Variants in RIPOR3 observed in about 807,000 individuals in gnomAD.
RIPOR3 encodes the protein family with sequence similarity 65 member C.
RIPOR3 carries 95 observed loss-of-function variants against 114.3 expected under a neutral mutation model. The ratio of observed to expected loss-of-function variants is 0.83; its 90% CI spans 0.70 to 0.99. The LOEUF (loss-of-function observed/expected upper bound fraction) is 0.99. RIPOR3 is among the 50% of genes least tolerant of loss of function. The pLI, the probability that RIPOR3 is intolerant of heterozygous loss-of-function variation, is 0.00. For synonymous variants in RIPOR3, 575 were observed against 543.8 expected, an observed-to-expected ratio of 1.06 and a Z score of -0.80; for missense variants, 1,252 against 1,266.9, an observed-to-expected ratio of 0.99 and a Z score of 0.18.
At chr20:50,638,568 CCT>C (rs1251984893) in intron 1 of RIPOR3, among the ~76,000 whole-genome samples, 2 of 152,172 alleles carry the variant, frequency 1.3e-5, no homozygotes, top group African/African-American at 2.4e-5. Context: ...GAAGACAAAG[CCT>C]CTCTTTGGGA....
At chr20:50,643,270 C>T (rs527247310) in intron 1 of RIPOR3, among the ~76,000 whole-genome samples, 8 of 151,250 alleles carry the variant, frequency 5.3e-5, no homozygotes, top group Admixed American at 1.3e-4. Flanking sequence ...TACAAGTGTG[C>T]ACCACTAGGC....
intron 2 of RIPOR3, among the ~76,000 whole-genome samples, chr20:50,630,167 C>T (rs924585451): frequency 2.6e-5 from 4 of 152,128 alleles, no homozygotes; most frequent in African/African-American, 7.2e-5. Flanking sequence ...AGGGCTTCAC[C>T]GTGTTGGCCA....
chr20:50,588,231 C>T (rs891206082), intron 20 of RIPOR3, among the ~76,000 whole-genome samples: 1 of 152,252 alleles, frequency 6.6e-6, no homozygotes, highest in South Asian at 2.1e-4. Flanking sequence ...GCCCTACTCT[C>T]CAGGACAGCC....
chr20:50,615,108 AGTGTGTGTGTGTGTGTGT>A (rs56136460), intron 4 of RIPOR3, among the ~76,000 whole-genome samples: 4 of 138,408 alleles, frequency 2.9e-5, no homozygotes, highest in Non-Finnish European at 6.1e-5. Context: ...GCTATTTGTG[AGTGTGTGTGTGTGTGTGT>A]GTGTGTGTGT....
intron 21 of RIPOR3, 79 bp downstream of exon 21, chr20:50,587,723 G>A: frequency 7.1e-7 from 1 of 1,403,738 alleles, no homozygotes; most frequent in African/African-American, 1.4e-5. Context: ...TGCCTGCTGG[G>A]AGAGCTGGGT....
chr20:50,652,464 G>A (rs532998220), intron 1 of RIPOR3, among the ~76,000 whole-genome samples: 1 of 151,868 alleles, frequency 6.6e-6, no homozygotes, highest in African/African-American at 2.4e-5. Context: ...GGTGGCGGGC[G>A]CCTGTAATCC....
At chr20:50,637,799 C>T (rs533719988) in intron 1 of RIPOR3, among the ~76,000 whole-genome samples, 1 of 152,262 alleles carries the variant, frequency 6.6e-6, no homozygotes, top group African/African-American at 2.4e-5. Flanking sequence ...TGCTTGAACC[C>T]AGGAAGCGGA....
chr20:50,628,484 G>A (rs115588062), intron 2 of RIPOR3, among the ~76,000 whole-genome samples: 1,660 of 152,048 alleles, frequency 0.011, 32 homozygotes, highest in African/African-American at 0.038. Flanking sequence ...GCCTCCCGCC[G>A]CCGAAGGCTT....
At chr20:50,647,478 CTTTTTT>C (rs942940961) in intron 1 of RIPOR3, among the ~76,000 whole-genome samples, 21 of 100,354 alleles carry the variant, frequency 2.1e-4, no homozygotes, top group African/African-American at 3.1e-4. Context: ...GCCTCATTCT[CTTTTTT>C]TTTTTTTTTT....
intron 1 of RIPOR3, among the ~76,000 whole-genome samples, chr20:50,677,659 A>T (rs993068055): frequency 9.7e-5 from 14 of 144,930 alleles, no homozygotes; most frequent in African/African-American, 3.6e-4. Flanking sequence ...GGCGTGAGCC[A>T]CCGCGCCTGG....
At chr20:50,685,644 C>T (rs1389912011) in intron 1 of RIPOR3, among the ~76,000 whole-genome samples, 5 of 146,546 alleles carry the variant, frequency 3.4e-5, no homozygotes, top group Admixed American at 1.4e-4. Context: ...GCCAACATGG[C>T]GAAACCCCCG....
intron 6 of RIPOR3, among the ~76,000 whole-genome samples, chr20:50,610,365 A>G (rs1445885143): frequency 2.0e-5 from 3 of 152,158 alleles, no homozygotes; most frequent in Non-Finnish European, 2.9e-5. Context: ...TGGTTTTTCA[A>G]CAATGAAATG....
intron 1 of RIPOR3, chr20:50,653,814 C>T (rs923880556): frequency 6.6e-6 from 1 of 152,240 alleles, no homozygotes; most frequent in Non-Finnish European, 1.5e-5. Context: ...TGGTCTCAAA[C>T]TCCTGGAGTC....
In RIPOR3 at chr20:50,667,621, C is replaced by A. The variant is rs546644782; in HGVS notation, c.3+23505G>T. On this transcript the variant is annotated intron_variant, in intron 1 of 21. Transcript: ENST00000327979. ...CTTTAAGTTCTTAACACGTCCTCAC[C>A]GCGGCTCAGCTCACTGTACGGCCCC... is the stretch of plus-strand genomic sequence containing the variant. 1.5e-4 allele frequency among the ~76,000 whole-genome samples: 23 copies of A among 152,310 alleles called. 1 individual carries two copies. In the East Asian group the frequency reaches 3.9e-3, roughly 26 times the overall value.
At chr20:50,593,937 C>T (rs79908182) in intron 17 of RIPOR3, among the ~76,000 whole-genome samples, 9 of 152,104 alleles carry the variant, frequency 5.9e-5, no homozygotes, top group Non-Finnish European at 8.8e-5. Context: ...ATTCTTTACC[C>T]GTCAGGCTCT....
chr20:50,656,510 G>A (rs953915235), intron 1 of RIPOR3, among the ~76,000 whole-genome samples: 2 of 152,034 alleles, frequency 1.3e-5, no homozygotes, highest in African/African-American at 4.8e-5. Flanking sequence ...AAACAGTATA[G>A]CGTATACAGT....
chr20:50,662,128 T>G (rs2086019360), intron 1 of RIPOR3: 1 of 152,598 alleles, frequency 6.6e-6, no homozygotes, highest in South Asian at 2.1e-4. Flanking sequence ...TCCAGCCACT[T>G]CCAGACCCAC....
intron 2 of RIPOR3, among the ~76,000 whole-genome samples, chr20:50,629,926 C>A (rs999573189): frequency 1.3e-5 from 2 of 152,144 alleles, no homozygotes; most frequent in Non-Finnish European, 2.9e-5. Flanking sequence ...CCAGTGGCTC[C>A]ACCTATCTGA....
chr20:50,615,984 G>A lies in RIPOR3; in HGVS notation c.348+18C>T. 1 of 1,598,344 alleles carries A rather than the reference G, an allele frequency of 6.3e-7. No individual in the cohort carries two copies. Among genetic ancestry groups the A allele is most frequent in the East Asian group, 2.2e-5 (1 of 44,574 alleles). The stretch of plus-strand genomic sequence containing the variant: ...GCCAAGGCTATCTGGGTGGGAAGCA[G>A]GCAGGGAGGGGTCTCACCAGCCTGG... On this transcript the variant is annotated intron_variant, in intron 4 of 21. Transcript: ENST00000327979.
Sources: gnomAD v4.1 joint callset for allele counts (sites outside exome capture counted in the v4.1 genomes callset) on GRCh38, gnomAD v4.1.1 for gene constraint, MANE v1.5 for transcripts, NCBI Gene and HGNC (gene_info 2026-07-23, HGNC 2026-07-21) for gene names.